The following CAPS2 variants were observed in gnomAD, a reference collection of about 807,000 sequenced individuals.
CAPS2 encodes the protein calcyphosine 2, also known as calcyphosin-2.
CAPS2 carries 98 observed loss-of-function variants against 86.5 expected under a neutral mutation model. The ratio of observed to expected loss-of-function variants is 1.13; its 90% CI spans 0.96 to 1.34. CAPS2 has a LOEUF of 1.34. Ranked by LOEUF, CAPS2 falls within the 40% of genes most tolerant of loss-of-function variation. The pLI is 0.00. For missense variants in CAPS2, 729 were observed against 686.8 expected, an observed-to-expected ratio of 1.06 and a Z score of -0.69; for synonymous variants, 210 against 225.1, an observed-to-expected ratio of 0.93 and a Z score of 0.60.
chr12:75,369,968 C>T, intron 1 of CAPS2: 2 of 1,086,282 alleles, frequency 1.8e-6, no homozygotes, highest in Non-Finnish European at 2.6e-6. Context: ...AGGGACTCCA[C>T]AACTTATTAT....
At chr12:75,338,944 T>C (rs543513575) in intron 1 of CAPS2, among the ~76,000 whole-genome samples, 1 of 152,382 alleles carries the variant, frequency 6.6e-6, no homozygotes, top group East Asian at 1.9e-4. Flanking sequence ...TTCCTTTTTA[T>C]GGCTGCATAG....
downstream of CAPS2, chr12:75,276,441 G>T (rs2032945481): frequency 2.0e-6 from 2 of 980,348 alleles, no homozygotes; most frequent in African/African-American, 1.7e-5. Context: ...ATGATCTACA[G>T]CTGTATCAAG....
chr12:75,340,448 T>A (rs1294896769), intron 1 of CAPS2, among the ~76,000 whole-genome samples: 1 of 151,456 alleles, frequency 6.6e-6, no homozygotes, highest in East Asian at 1.9e-4. Flanking sequence ...CCAAAATGAA[T>A]CATAAATTTA....
At chr12:75,306,160 C>T (rs1269371867) in intron 7 of CAPS2, 3 of 970,164 alleles carry the variant, frequency 3.1e-6, no homozygotes, top group Admixed American at 2.0e-5. Context: ...GTTCGTCCAG[C>T]AGAATTACCT....
chr12:75,298,427 C>G, intron 11 of CAPS2: 1 of 443,508 alleles, frequency 2.3e-6, no homozygotes. Flanking sequence ...ACAACTTCAT[C>G]TGGAGACAAC....
intron 1 of CAPS2, among the ~76,000 whole-genome samples, chr12:75,362,057 C>T (rs2043631730): frequency 6.6e-6 from 1 of 151,932 alleles, no homozygotes; most frequent in South Asian, 2.1e-4. Flanking sequence ...TATTCAAAGA[C>T]ACTGTTAAGA....
At chr12:75,374,424 C>T (rs2044541962) in intron 1 of CAPS2, among the ~76,000 whole-genome samples, 1 of 152,154 alleles carries the variant, frequency 6.6e-6, no homozygotes, top group Admixed American at 6.5e-5. Context: ...TTATCTTTCA[C>T]CTTAGAAGGA....
intron 5 of CAPS2, among the ~76,000 whole-genome samples, chr12:75,321,008 T>C (rs1261466257): frequency 6.6e-6 from 1 of 151,970 alleles, no homozygotes; most frequent in Admixed American, 6.6e-5. Flanking sequence ...CAAACCAGGA[T>C]CACCATAAAG....
upstream of CAPS2, chr12:75,334,760 G>A (rs1204792609): frequency 1.1e-5 from 17 of 1,613,920 alleles, no homozygotes; most frequent in Admixed American, 3.3e-5. Context: ...AGTTGTTTAT[G>A]GATCTTGGGT....
chr12:75,327,470 A>G (rs2040889547), upstream of CAPS2, among the ~76,000 whole-genome samples: 1 of 152,184 alleles, frequency 6.6e-6, no homozygotes, highest in Admixed American at 6.5e-5. Context: ...TTTATATTTT[A>G]TACTTCACCT....
chr12:75,365,948 AC>A lies in CAPS2; in HGVS notation c.-395+24889del, dbSNP rs960279522. 1.3e-4 allele frequency among the ~76,000 whole-genome samples: 20 copies of A among 152,288 alleles called. No homozygotes were observed. In the East Asian group the frequency reaches 3.9e-3, roughly 29 times the overall value. ...TTTGGGCTGGCTTTATAGTTTTATA[AC>A]CCTTATGCAAAATTTTGACACCTTA... On this transcript the variant is annotated intron_variant, in intron 1 of 5. Transcript: ENST00000551829.
chr12:75,390,134 C>T (rs2045503229), intron 1 of CAPS2, among the ~76,000 whole-genome samples: 1 of 152,122 alleles, frequency 6.6e-6, no homozygotes, highest in Non-Finnish European at 1.5e-5. Flanking sequence ...AATATGCAAA[C>T]GTGTATTCCA....
At chr12:75,289,724 A>G (rs1329289519) in exon 14 of CAPS2, 9 of 1,612,742 alleles carry the variant, frequency 5.6e-6, no homozygotes, top group East Asian at 2.2e-5. Flanking sequence ...ATATTTTCCC[A>G]ATCCAGTCAA....
chr12:75,293,514 A>T, intron 11 of CAPS2, 147 bp from the exon 12 acceptor site: 1 of 626,066 alleles, frequency 1.6e-6, no homozygotes, highest in Admixed American at 3.3e-5. Flanking sequence ...GCTTATATGT[A>T]TTTGGAGAAA....
chr12:75,316,669 A>G (rs2039799006), intron 5 of CAPS2, among the ~76,000 whole-genome samples: 1 of 152,130 alleles, frequency 6.6e-6, no homozygotes. Context: ...AATAATAGGA[A>G]CTACTTCCCC....
chr12:75,303,427 T>C (rs892476798), intron 8 of CAPS2, among the ~76,000 whole-genome samples: 1 of 152,190 alleles, frequency 6.6e-6, no homozygotes, highest in Non-Finnish European at 1.5e-5. Context: ...ATAGAGAGGT[T>C]AACCTGGTAT....
intron 7 of CAPS2, among the ~76,000 whole-genome samples, chr12:75,311,699 G>GAAAAAAAAAAAAAAAAAAAAAAAAAAA (rs764314438): frequency 5.9e-5 from 1 of 16,994 alleles, no homozygotes; most frequent in African/African-American, 1.2e-4. Context: ...AAGCCATGCA[G>GAAAAAAAAAAAAAAAAAAAAAAAAAAA]GAAAAAAAAA....
chr12:75,360,478 G>C (rs1194149418), intron 1 of CAPS2: 1 of 152,064 alleles, frequency 6.6e-6, no homozygotes, highest in African/African-American at 2.4e-5. Context: ...AAAACAAAGG[G>C]GCTATAGGCC....
intron 1 of CAPS2, among the ~76,000 whole-genome samples, chr12:75,369,008 T>G (rs570797094): frequency 1.6e-4 from 24 of 152,106 alleles, no homozygotes; most frequent in Middle Eastern, 3.4e-3. Context: ...GACTTGTACT[T>G]TTTCTCTTTT....
Sources: allele counts gnomAD v4.1 joint callset (sites outside exome capture counted in the v4.1 genomes callset), GRCh38; gene constraint gnomAD v4.1.1; transcripts MANE v1.5; gene names NCBI Gene and HGNC (gene_info 2026-07-23, HGNC 2026-07-21).